Variants in IMMP2L observed in about 807,000 individuals in gnomAD.
IMMP2L encodes the protein inner mitochondrial membrane peptidase subunit 2.
A neutral mutation model predicts 19.3 loss-of-function variants in IMMP2L; 18 were observed. The observed-to-expected ratio is 0.93, with a 90% CI of 0.64 to 1.38. IMMP2L has a LOEUF of 1.38. Among genes scored for constraint, IMMP2L ranks in the 40% most tolerant of loss-of-function variants. The probability of loss-of-function intolerance (pLI) is 0.00; values close to 1 mark genes in which losing one functional copy is unlikely to be tolerated. For synonymous variants in IMMP2L, 76 were observed against 73.0 expected (o/e 1.04, Z -0.21); for missense variants, 233 against 218.2 (o/e 1.07, Z -0.43).
At chr7:111,064,904 T>C (rs1426195040) in intron 3 of IMMP2L, among the ~76,000 whole-genome samples, 2 of 152,158 alleles carry the variant, frequency 1.3e-5, no homozygotes, top group African/African-American at 4.8e-5. Flanking sequence ...CCATGCCCTG[T>C]GATTAAGTTC....
At chr7:111,072,102 A>G (rs538407087) in intron 3 of IMMP2L, among the ~76,000 whole-genome samples, 1 of 152,338 alleles carries the variant, frequency 6.6e-6, no homozygotes, top group Admixed American at 6.5e-5. Context: ...GGGAAAAAAA[A>G]TCCATTAGTC....
chr7:111,060,760 A>G (rs1165315634), intron 3 of IMMP2L, among the ~76,000 whole-genome samples: 1 of 152,228 alleles, frequency 6.6e-6, no homozygotes, highest in Non-Finnish European at 1.5e-5. Context: ...TTATGCATCA[A>G]TATGGATACT....
chr7:110,989,497 T>C (rs1179805756), intron 3 of IMMP2L, among the ~76,000 whole-genome samples: 2 of 134,888 alleles, frequency 1.5e-5, no homozygotes, highest in African/African-American at 5.7e-5. Flanking sequence ...TAGTGAGCAC[T>C]CCAGCCTGGG....
At chr7:111,491,838 T>C (rs1403113486) in intron 2 of IMMP2L, among the ~76,000 whole-genome samples, 3 of 152,164 alleles carry the variant, frequency 2.0e-5, no homozygotes, top group Non-Finnish European at 2.9e-5. Context: ...AGGGAGACCA[T>C]CTGGGCTCTG....
chr7:110,682,087 C>G (rs907896701), intron 5 of IMMP2L, among the ~76,000 whole-genome samples: 6 of 152,136 alleles, frequency 3.9e-5, no homozygotes, highest in South Asian at 2.1e-4. Context: ...CATTTCTCAG[C>G]ACTCATCAGC....
At chr7:110,843,132 C>A (rs1489800788) in intron 5 of IMMP2L, among the ~76,000 whole-genome samples, 1 of 152,034 alleles carries the variant, frequency 6.6e-6, no homozygotes, top group Non-Finnish European at 1.5e-5. Flanking sequence ...ACAAAAAAGA[C>A]AAAGAAGACA....
At chr7:110,667,033 A>G (rs1023813487) in intron 5 of IMMP2L, among the ~76,000 whole-genome samples, 1 of 152,122 alleles carries the variant, frequency 6.6e-6, no homozygotes, top group South Asian at 2.1e-4. Context: ...CACCACGCCC[A>G]GCTAATTTTT....
At chr7:110,784,745 C>A (rs1246792369) in intron 5 of IMMP2L, among the ~76,000 whole-genome samples, 2 of 151,770 alleles carry the variant, frequency 1.3e-5, no homozygotes, top group Non-Finnish European at 2.9e-5. Context: ...AATGCCTGGA[C>A]CCCACCCTGG....
chr7:111,220,857 G>A (rs1812438136), intron 3 of IMMP2L, among the ~76,000 whole-genome samples: 1 of 152,010 alleles, frequency 6.6e-6, no homozygotes, highest in Non-Finnish European at 1.5e-5. Flanking sequence ...CCGAGGGCAA[G>A]AGATGAGTGC....
chr7:111,303,611 A>C (rs953681130), intron 3 of IMMP2L, among the ~76,000 whole-genome samples: 3 of 152,126 alleles, frequency 2.0e-5, no homozygotes, highest in Non-Finnish European at 4.4e-5. Context: ...CCCATTCTTT[A>C]AAACTACACC....
intron 3 of IMMP2L, among the ~76,000 whole-genome samples, chr7:111,043,743 T>A (rs1792113745): frequency 6.6e-6 from 1 of 152,196 alleles, no homozygotes; most frequent in African/African-American, 2.4e-5. Context: ...TACAGAGGTG[T>A]AATGAAGAAA....
intron 3 of IMMP2L, among the ~76,000 whole-genome samples, chr7:111,092,364 C>T (rs940033791): frequency 6.6e-6 from 1 of 152,150 alleles, no homozygotes; most frequent in Non-Finnish European, 1.5e-5. Flanking sequence ...GCTATATTCC[C>T]TTTGCTGTTG....
intron 4 of IMMP2L, among the ~76,000 whole-genome samples, chr7:110,900,863 G>A (rs893795516): frequency 6.6e-6 from 1 of 151,978 alleles, no homozygotes; most frequent in African/African-American, 2.4e-5. Flanking sequence ...TGTTCCTTCT[G>A]GGAATTACTG....
intron 5 of IMMP2L, among the ~76,000 whole-genome samples, chr7:110,788,603 C>A (rs989611008): frequency 1.3e-5 from 2 of 151,664 alleles, no homozygotes; most frequent in Non-Finnish European, 2.9e-5. Context: ...AGCATAGAAC[C>A]CTCTTTAATC....
chr7:111,300,543 T>A (rs1422142131), intron 3 of IMMP2L, among the ~76,000 whole-genome samples: 1 of 151,998 alleles, frequency 6.6e-6, no homozygotes, highest in Non-Finnish European at 1.5e-5. Context: ...ATTAACACAG[T>A]CAAAATATAA....
intron 3 of IMMP2L, among the ~76,000 whole-genome samples, chr7:111,461,852 C>T (rs1043399409): frequency 6.6e-6 from 1 of 151,918 alleles, no homozygotes; most frequent in African/African-American, 2.4e-5. Context: ...TCACTTGCAA[C>T]GTCACAGCAT....
chr7:110,673,211 G>T (rs1320636958), intron 5 of IMMP2L, among the ~76,000 whole-genome samples: 1 of 152,216 alleles, frequency 6.6e-6, no homozygotes, highest in Non-Finnish European at 1.5e-5. Flanking sequence ...AAGGCTTGGG[G>T]CTTGTACCCT....
intron 3 of IMMP2L, among the ~76,000 whole-genome samples, chr7:111,428,611 GA>G (rs1836321508): frequency 6.8e-6 from 1 of 147,732 alleles, no homozygotes; most frequent in African/African-American, 2.7e-5. Context: ...TTACTTTCAC[GA>G]AAGAAATCTA....
rs190601792 is a variant in IMMP2L at position 110,938,698 on chromosome 7, T to C, written c.305+24802A>G. 2.4e-4 allele frequency among the ~76,000 whole-genome samples: 36 copies of C among 152,186 alleles called. 1 individual carries two copies. The highest frequency in any genetic ancestry group is 7.9e-4 in the African/African-American group (33 of 41,530). On this transcript the variant is annotated intron_variant, in intron 4 of 5. Transcript: ENST00000405709. ...ACTTCACTGCCATGCAATATATCCA[T>C]GTAACAAAACTGCACTTTTACCCCC...
Sources: allele counts gnomAD v4.1 joint callset (sites outside exome capture counted in the v4.1 genomes callset), GRCh38; gene constraint gnomAD v4.1.1; transcripts MANE v1.5; gene names NCBI Gene and HGNC (gene_info 2026-07-23, HGNC 2026-07-21).